Variants in KANSL1 observed in about 807,000 individuals in gnomAD.
KANSL1 encodes MLL1/MLL complex subunit KANSL1.
KANSL1 carries 22 observed loss-of-function variants against 103.6 expected under a neutral mutation model. The observed-to-expected ratio is 0.21, with a 90% confidence interval of 0.15 to 0.30. The LOEUF is 0.30. Among genes scored for constraint, KANSL1 ranks in the 10% least tolerant of loss-of-function variants. KANSL1 has a pLI of 1.00. For synonymous variants in KANSL1, 600 were observed against 527.6 expected, an observed-to-expected ratio of 1.14 and a Z score of -1.88; for missense variants, 1,337 against 1,399.8, an observed-to-expected ratio of 0.96 and a Z score of 0.72.
chr17:46,186,219 A>C (rs1386181556), intron 1 of KANSL1, among the ~76,000 whole-genome samples: 1 of 49,224 alleles, frequency 2.0e-5, no homozygotes, highest in East Asian at 7.1e-4. Flanking sequence ...ACTAAAATGC[A>C]AAAAAAAAAA....
chr17:46,146,649 C>T lies in KANSL1; in HGVS notation c.1289+24206G>A, dbSNP rs566342474. Among the ~76,000 whole-genome samples, 27 of 145,828 alleles carry T rather than the reference C, an allele frequency of 1.9e-4. 1 individual carries two copies. Among genetic ancestry groups the T allele is most frequent in the African/African-American group, 6.3e-4 (26 of 41,014 alleles). ...GAGATCGAGACCATCCCAGCTAAAA[C>T]GGTGAAACCCCGTCTCTACTAAAAA... On this transcript the variant is annotated intron_variant, in intron 2 of 14. Transcript: ENST00000432791.
At chr17:46,177,467 GGTTAA>G (rs1363315172) in intron 1 of KANSL1, among the ~76,000 whole-genome samples, 23 of 152,192 alleles carry the variant, frequency 1.5e-4, no homozygotes, top group Middle Eastern at 3.4e-3. Context: ...CCAAAAACTC[GGTTAA>G]ATTATTAAAT....
chr17:46,179,090 T>A (rs145744461), intron 1 of KANSL1, among the ~76,000 whole-genome samples: 32 of 152,340 alleles, frequency 2.1e-4, no homozygotes, highest in Admixed American at 5.9e-4. Context: ...ACATCTCTGT[T>A]TTCCACCCAC....
At chr17:46,157,079 T>C (rs1418508582) in intron 2 of KANSL1, among the ~76,000 whole-genome samples, 2 of 152,226 alleles carry the variant, frequency 1.3e-5, no homozygotes, top group Non-Finnish European at 2.9e-5. Context: ...CTCCAAATAA[T>C]TAGAACCTTG....
At chr17:46,152,466 A>T (rs1333640933) in intron 2 of KANSL1, among the ~76,000 whole-genome samples, 1 of 152,178 alleles carries the variant, frequency 6.6e-6, no homozygotes, top group Non-Finnish European at 1.5e-5. Flanking sequence ...TTTTATTCCT[A>T]AAAATGCCTT....
chr17:46,180,693 A>G (rs535562372), intron 1 of KANSL1, among the ~76,000 whole-genome samples: 3 of 152,032 alleles, frequency 2.0e-5, no homozygotes, highest in Non-Finnish European at 4.4e-5. Context: ...CTCAAAAACA[A>G]AAACAAACAA....
At chr17:46,150,965 G>T (rs1231801739) in intron 2 of KANSL1, among the ~76,000 whole-genome samples, 1 of 148,264 alleles carries the variant, frequency 6.7e-6, no homozygotes, top group African/African-American at 2.5e-5. Context: ...CTTGTGTTCA[G>T]CATTATGAAT....
chr17:46,104,009 CAG>C (rs369943041), intron 2 of KANSL1, among the ~76,000 whole-genome samples: 198 of 152,276 alleles, frequency 1.3e-3, no homozygotes, highest in African/African-American at 4.5e-3. Context: ...GCCTGGGCGA[CAG>C]AGTGAGACTC....
chr17:46,171,315 C>T lies in KANSL1; in HGVS notation c.829G>A (p.Ala277Thr), dbSNP rs771041461. ...GTTATCCTTGTGTCAGAATCTAAAGCACTGAAAAGAATGGAAGACAGGGGA... is the reference window on the plus strand; with the variant it reads ...GTTATCCTTGTGTCAGAATCTAAAGTACTGAAAAGAATGGAAGACAGGGGA... Reference protein sequence around the residue: ...KSPLSSILFSALDSDTRITAL... With the variant: ...KSPLSSILFSTLDSDTRITAL... Residue 277 changes from alanine to threonine, a missense_variant, in exon 2 of 15, where the codon GCT becomes ACT. Coordinates refer to ENST00000432791, the MANE Select transcript of KANSL1 (RefSeq NM_015443.4). The T allele has an allele frequency of 1.9e-6, 3 of 1,614,140 alleles. No individual in the cohort carries two copies. Among genetic ancestry groups the T allele is most frequent in the Middle Eastern group, 1.6e-4 (1 of 6,062 alleles).
chr17:46,126,846 T>C (rs1302700559), intron 2 of KANSL1, among the ~76,000 whole-genome samples: 1 of 152,236 alleles, frequency 6.6e-6, no homozygotes, highest in African/African-American at 2.4e-5. Context: ...TGTGAAAATG[T>C]TTCTGGCTGT....
At chr17:46,213,304 T>C (rs2048224146) in intron 1 of KANSL1, among the ~76,000 whole-genome samples, 1 of 152,120 alleles carries the variant, frequency 6.6e-6, no homozygotes, top group Non-Finnish European at 1.5e-5. Context: ...GTTGTTGTTG[T>C]TGTTGTTGTT....
chr17:46,046,839 G>GT (rs2077527855), intron 7 of KANSL1, among the ~76,000 whole-genome samples: 1 of 19,568 alleles, frequency 5.1e-5, no homozygotes, highest in African/African-American at 1.5e-4. Flanking sequence ...TGTCTCAAAA[G>GT]TAAAAAAAAA....
At chr17:46,067,495 C>T in intron 5 of KANSL1, 54 bp downstream of exon 5, 1 of 1,129,020 alleles carries the variant, frequency 8.9e-7, no homozygotes, top group South Asian at 1.2e-5. Flanking sequence ...CTAAGAGCTC[C>T]AAAACACCTT....
intron 6 of KANSL1, 35 bp downstream of exon 6, chr17:46,066,501 AC>A: frequency 6.5e-7 from 1 of 1,531,222 alleles, no homozygotes; most frequent in Non-Finnish European, 8.8e-7. Flanking sequence ...CATCTGGCTC[AC>A]TGCTTGACAA....
chr17:46,208,329 G>A (rs1180564890), intron 1 of KANSL1, among the ~76,000 whole-genome samples: 1 of 151,666 alleles, frequency 6.6e-6, no homozygotes, highest in Non-Finnish European at 1.5e-5. Context: ...GTACTCCAAG[G>A]GGCTGGGCAC....
chr17:46,158,999 A>G (rs759991525), intron 2 of KANSL1, among the ~76,000 whole-genome samples: 2 of 152,206 alleles, frequency 1.3e-5, no homozygotes, highest in Non-Finnish European at 2.9e-5. Flanking sequence ...TTTCACTGCA[A>G]TAAGTGAACA....
rs2078945505 is a variant in KANSL1, at chr17:46,080,405, GGT to G, written c.1533+2034_1533+2035del. 2.7e-5 allele frequency among the ~76,000 whole-genome samples: 4 copies of G among 149,914 alleles called. No homozygotes were observed. The South Asian group carries it at 8.5e-4, about 32-fold the overall frequency. ...ATGGAAAACAGGCTGGTTACATGTGGGTATGAAAACCTACAGTTGCCCTCTGT... is the reference window on the plus strand; with the variant it reads ...ATGGAAAACAGGCTGGTTACATGTGGATGAAAACCTACAGTTGCCCTCTGT... On this transcript the variant is annotated intron_variant, in intron 4 of 14. Coordinates refer to ENST00000432791, the MANE Select transcript of KANSL1 (RefSeq NM_015443.4).
intron 2 of KANSL1, among the ~76,000 whole-genome samples, chr17:46,099,465 C>A (rs1450708898): frequency 6.6e-6 from 1 of 151,954 alleles, no homozygotes; most frequent in Non-Finnish European, 1.5e-5. Context: ...ACAAGGGACA[C>A]ACATTGAACA....
At chr17:46,047,972 A>G (rs948084003) in intron 7 of KANSL1, among the ~76,000 whole-genome samples, 1 of 151,426 alleles carries the variant, frequency 6.6e-6, no homozygotes, top group Non-Finnish European at 1.5e-5. Flanking sequence ...CATTGGCTCA[A>G]TCATGGCTCA....
Sources: gnomAD v4.1 joint callset for allele counts (sites outside exome capture counted in the v4.1 genomes callset) on GRCh38, gnomAD v4.1.1 for gene constraint, MANE v1.5 for transcripts, NCBI Gene and HGNC (gene_info 2026-07-23, HGNC 2026-07-21) for gene names.